The following DTNA variants were observed in gnomAD, a reference collection of about 807,000 sequenced individuals.
The protein encoded by DTNA is dystrophin-related protein 3.
DTNA carries 43 observed loss-of-function variants against 100.7 expected under a neutral mutation model. The ratio of observed to expected loss-of-function variants is 0.43; its 90% CI spans 0.33 to 0.55. The LOEUF is 0.55. DTNA is among the 20% of genes least tolerant of loss of function. DTNA has a pLI of 0.04. For synonymous variants in DTNA, 349 were observed against 347.9 expected (o/e 1.00, Z -0.04); for missense variants, 798 against 953.9 (o/e 0.84, Z 2.15).
intron 9 of DTNA, chr18:34,821,255 T>A: frequency 2.2e-6 from 1 of 450,932 alleles, no homozygotes; most frequent in East Asian, 6.1e-5. Context: ...AGTATATTAT[T>A]CCTTAATTTC....
At chr18:34,768,589 A>G (rs1232475049) in intron 3 of DTNA, among the ~76,000 whole-genome samples, 1 of 152,134 alleles carries the variant, frequency 6.6e-6, no homozygotes, top group Non-Finnish European at 1.5e-5. Flanking sequence ...CCACATCCTT[A>G]TCCTGCATCC....
intron 3 of DTNA, among the ~76,000 whole-genome samples, chr18:34,787,286 G>C (rs1332973781): frequency 6.6e-6 from 1 of 152,152 alleles, no homozygotes; most frequent in African/African-American, 2.4e-5. Context: ...GAATCACCTG[G>C]AGAGTTTTGT....
chr18:34,846,124 C>T (rs2096373047), intron 13 of DTNA, among the ~76,000 whole-genome samples: 1 of 152,100 alleles, frequency 6.6e-6, no homozygotes, highest in Non-Finnish European at 1.5e-5. Flanking sequence ...CCAATATTAT[C>T]GACATTTCTT....
At chr18:34,498,491 C>T (rs2039536050) in intron 1 of DTNA, among the ~76,000 whole-genome samples, 1 of 141,504 alleles carries the variant, frequency 7.1e-6, no homozygotes, top group Admixed American at 7.2e-5. Flanking sequence ...AATTTAATCA[C>T]CTAAAAATGA....
intron 1 of DTNA, among the ~76,000 whole-genome samples, chr18:34,511,206 T>C (rs1214186113): frequency 2.0e-5 from 3 of 152,090 alleles, no homozygotes; most frequent in African/African-American, 7.2e-5. Flanking sequence ...AAAATTATTA[T>C]AAGTTTTCTC....
At chr18:34,585,168 C>G (rs28424138) in intron 1 of DTNA, among the ~76,000 whole-genome samples, 2 of 151,912 alleles carry the variant, frequency 1.3e-5, no homozygotes, top group Non-Finnish European at 2.9e-5. Context: ...ATTCAGGGAA[C>G]GGGACCCAAA....
chr18:34,858,645 C>G (rs2096580583), intron 16 of DTNA, among the ~76,000 whole-genome samples: 1 of 152,198 alleles, frequency 6.6e-6, no homozygotes, highest in Non-Finnish European at 1.5e-5. Context: ...GAGTTTCACT[C>G]TTGTTGCCCA....
In DTNA at chr18:34,860,260, G is replaced by A. The variant is rs553888522; in HGVS notation, c.1646+1862G>A. Reference sequence around the variant, plus strand: ...TTTTTTTTTTTTTTTGGAGAGACGGGGTTTCACCATCTTGGCCAGGCTAGT... The same window carrying A: ...TTTTTTTTTTTTTTTGGAGAGACGGAGTTTCACCATCTTGGCCAGGCTAGT... On this transcript the variant is annotated intron_variant, in intron 16 of 22. Transcript: ENST00000444659. Among the ~76,000 whole-genome samples the A allele has an allele frequency of 4.3e-4, 61 of 140,590 alleles. 3 individuals are homozygous for A. The highest frequency in any genetic ancestry group is 4.2e-3 in the Admixed American group (59 of 14,062). 92.2% of individuals were successfully genotyped at this position (140,590 alleles called of 152,430 possible).
At position 34,765,795 on chromosome 18, in the gene DTNA, T is replaced by G. The variant is rs571260203; in HGVS notation, c.68-166T>G. 8.1e-4 allele frequency: 507 copies of G among 625,404 alleles called. 2 individuals are homozygous for G. The African/African-American group carries it at 8.8e-3, about 11-fold the overall frequency. 38.7% of individuals were successfully genotyped at this position (625,404 alleles called of 1,614,324 possible). A position where few individuals can be genotyped will look rare whatever the true frequency, so the allele number is the denominator to read the frequency against. On this transcript the variant is annotated intron_variant, in intron 2 of 22. Coordinates refer to ENST00000444659, the MANE Select transcript of DTNA (RefSeq NM_001386795.1). ...CTTTTTCCCTAGAACCTGAGGAACT[T>G]GTCCTTGAATAGGACAGACCTGTTC...
In DTNA at chr18:34,821,003, T is replaced by A. The variant is rs77557614; in HGVS notation, c.1001+88T>A. Reference sequence around the variant, plus strand: ...CACAAAAGCAATTTCCTATCAGTGGTCAGCAACCAAGATTTTTAATTTAGT... The same window carrying A: ...CACAAAAGCAATTTCCTATCAGTGGACAGCAACCAAGATTTTTAATTTAGT... On this transcript the variant is annotated intron_variant, in intron 9 of 22. Transcript: ENST00000444659. The A allele has an allele frequency of 1.5e-3, 2,309 of 1,579,064 alleles. 31 individuals are homozygous for A. The African/African-American group carries it at 0.028, about 19-fold the overall frequency.
At chr18:34,644,563 T>G (rs1421557924) in intron 1 of DTNA, among the ~76,000 whole-genome samples, 1 of 152,120 alleles carries the variant, frequency 6.6e-6, no homozygotes, top group East Asian at 1.9e-4. Flanking sequence ...GTTACAAGTT[T>G]GGGTTAGTCA....
chr18:34,658,153 G>C (rs2074660072), intron 1 of DTNA, among the ~76,000 whole-genome samples: 1 of 152,146 alleles, frequency 6.6e-6, no homozygotes, highest in South Asian at 2.1e-4. Flanking sequence ...AAAAAGGAGA[G>C]AGTATGCAGC....
chr18:34,722,031 T>C (rs962818578), intron 1 of DTNA, among the ~76,000 whole-genome samples: 5 of 152,172 alleles, frequency 3.3e-5, no homozygotes, highest in African/African-American at 1.2e-4. Flanking sequence ...TGAGCTCCCC[T>C]TTCCTTATAC....
At chr18:34,774,360 A>C (rs1276378740) in intron 3 of DTNA, among the ~76,000 whole-genome samples, 3 of 152,216 alleles carry the variant, frequency 2.0e-5, no homozygotes, top group African/African-American at 7.2e-5. Flanking sequence ...TCCAGCACAC[A>C]TTGTAAGAAA....
chr18:34,760,824 C>T (rs539140616), intron 2 of DTNA, among the ~76,000 whole-genome samples: 2 of 152,340 alleles, frequency 1.3e-5, no homozygotes, highest in Admixed American at 6.5e-5. Flanking sequence ...CACACTACTA[C>T]ATTTTGTGTG....
intron 1 of DTNA, among the ~76,000 whole-genome samples, chr18:34,694,746 T>C (rs896156379): frequency 1.3e-5 from 2 of 152,146 alleles, no homozygotes; most frequent in Non-Finnish European, 2.9e-5. Context: ...AGCTCTAGTG[T>C]CACATGATTT....
chr18:34,689,536 C>G (rs1466355842), intron 1 of DTNA, among the ~76,000 whole-genome samples: 1 of 152,154 alleles, frequency 6.6e-6, no homozygotes, highest in Non-Finnish European at 1.5e-5. Context: ...CAGAAGGGCA[C>G]CTGCCAGATG....
At chr18:34,552,286 A>T (rs779528243) in intron 1 of DTNA, among the ~76,000 whole-genome samples, 71 of 152,112 alleles carry the variant, frequency 4.7e-4, no homozygotes, top group Non-Finnish European at 8.7e-4. Flanking sequence ...CAACCATTTC[A>T]TAAAGAAATA....
At chr18:34,616,393 A>C (rs536085942) in intron 1 of DTNA, among the ~76,000 whole-genome samples, 1 of 152,368 alleles carries the variant, frequency 6.6e-6, no homozygotes, top group South Asian at 2.1e-4. Context: ...TCTGCAGAGC[A>C]AAAGAAACTA....
Sources: allele counts gnomAD v4.1 joint callset (sites outside exome capture counted in the v4.1 genomes callset), GRCh38; gene constraint gnomAD v4.1.1; transcripts MANE v1.5; gene names NCBI Gene and HGNC (gene_info 2026-07-23, HGNC 2026-07-21).